The following DNHD1 variants were observed in gnomAD, a reference collection of about 807,000 sequenced individuals.
DNHD1 encodes dynein heavy chain domain-containing protein 1.
Under a neutral mutation model 458.1 loss-of-function variants are expected in DNHD1, and 383 were observed. The observed-to-expected ratio is 0.84, with a 90% CI of 0.77 to 0.91. DNHD1 has a LOEUF of 0.91. Among genes scored for constraint, DNHD1 ranks in the 40% least tolerant of loss-of-function variants. The pLI is 0.00. For synonymous variants in DNHD1, 2,203 were observed against 2,376.9 expected (o/e 0.93, Z 2.13); for missense variants, 5,336 against 5,866.1 (o/e 0.91, Z 2.95).
Position 6,571,115 on chromosome 11 carries a change from T to C in DNHD1, c.13603T>C (p.Leu4535=). 6.3e-7 allele frequency: 1 copy of C among 1,599,970 alleles called. No homozygotes were observed. Among genetic ancestry groups the C allele is most frequent in the Non-Finnish European group, 8.5e-7 (1 of 1,174,898 alleles). The change falls in exon 42 of 43, where the codon TTG becomes CTG. Residue 4535 remains leucine, a synonymous_variant. Transcript: ENST00000254579. The surrounding 1 kb of genome is among the most constrained non-coding windows in gnomAD (Gnocchi z 5.0). ...CGCTCTCTGGACTGGCCGCCTACCC[T>C]TGCCTTGGCGACCTCATGCGCCGGC... ...AHALWTGRLP[L]PWRPHAPAGP...
chr11:6,507,939 T>A (rs1332088554), intron 4 of DNHD1, among the ~76,000 whole-genome samples: 1 of 152,222 alleles, frequency 6.6e-6, no homozygotes, highest in Non-Finnish European at 1.5e-5. Context: ...TATCTAAAAG[T>A]TCTTAAGTCA....
Position 6,571,415 on chromosome 11 carries a change from C to A in DNHD1, c.13903C>A (p.His4635Asn). 1.3e-6 allele frequency: 2 copies of A among 1,597,432 alleles called. No individual in the cohort carries two copies. The highest frequency in any genetic ancestry group is 8.6e-7 in the Non-Finnish European group (1 of 1,168,562). ...TCTGGAGATGAACAGCAACCCTCTG[C>A]ACTTCAGGGTATCTTCGCGCCGCCC... The part of the protein sequence containing the change: ...KRLEMNSNPL[H>N]FRVENGPNPT... Residue 4635 changes from histidine (H) to asparagine (N), a missense_variant, in exon 42 of 43, where the codon CAC becomes AAC. Around this residue, in one of 4 missense-constraint regions of DNHD1, gnomAD observed 698 missense variants for 664.9 expected, o/e 1.05. Transcript: ENST00000254579. This position sits in a 1 kb window ranked among gnomAD's most constrained non-coding sequence, Gnocchi z 5.0.
At chr11:6,500,318 T>C (rs762935444) in intron 3 of DNHD1, among the ~76,000 whole-genome samples, 1 of 152,256 alleles carries the variant, frequency 6.6e-6, no homozygotes, top group Non-Finnish European at 1.5e-5. Flanking sequence ...CCTCATTTTC[T>C]AGACAATGCT....
chr11:6,519,468 A>G, intron 7 of DNHD1, 132 bp from the exon 8 acceptor site: 11 of 995,444 alleles, frequency 1.1e-5, no homozygotes, highest in Non-Finnish European at 1.5e-5. Context: ...AACTCTACTA[A>G]AAAGGAGCCC....
intron 7 of DNHD1, among the ~76,000 whole-genome samples, chr11:6,518,970 A>T (rs760273488): frequency 7.2e-5 from 11 of 152,194 alleles, no homozygotes; most frequent in Non-Finnish European, 1.3e-4. Flanking sequence ...CTGGCCAAGC[A>T]TAGCTTTCTG....
rs1287607003 is a variant in DNHD1, at chr11:6,546,148, C to T, written c.5209C>T (p.Leu1737=). 1 of 1,551,220 alleles carries T rather than the reference C, an allele frequency of 6.4e-7. No individual in the cohort carries two copies. Among genetic ancestry groups the T allele is most frequent in the African/African-American group, 1.4e-5 (1 of 73,172 alleles). Residue 1737 remains leucine, a synonymous_variant, in exon 21 of 43, where the codon CTG becomes TTG. Transcript: ENST00000254579. ...TGCCCTGCAGGGTGGTGCCTGGCTG[C>T]TGTTGGAGAAAGTTCATCAGCTGCC... ...NGALQGGAWL[L]LEKVHQLPPG...
At chr11:6,517,717 G>A (rs11040907) in intron 7 of DNHD1, among the ~76,000 whole-genome samples, 2 of 122,390 alleles carry the variant, frequency 1.6e-5, no homozygotes, top group Non-Finnish European at 3.2e-5. Context: ...TGAGACTGGA[G>A]ACCTCATGAT....
rs780680473 is a variant in DNHD1 at position 6,533,104 on chromosome 11, A to C, written c.2425A>C (p.Met809Leu). ...GTGCTGGAACCTCAGTCAACAACTC[A>C]TGACAGAGCTCACAGATTTCATGCA... Reference protein sequence around the residue: ...NECWNLSQQLMTELTDFMHIF... With the variant: ...NECWNLSQQLLTELTDFMHIF... Residue 809 changes from methionine to leucine, a missense_variant, in exon 13 of 43, where the codon ATG (methionine) becomes CTG (leucine). Physicochemically the swap from Met to Leu is conservative, Grantham distance 15. Around this residue, in one of 4 missense-constraint regions of DNHD1, gnomAD observed 3,932 missense variants for 4,365.6 expected, o/e 0.90. Transcript: ENST00000254579. 26 of 1,551,528 alleles carry C rather than the reference A, an allele frequency of 1.7e-5. 1 individual carries two copies. In the South Asian group the frequency reaches 3.1e-4, roughly 18 times the overall value.
chr11:6,534,303 G>A (rs1852893843), intron 14 of DNHD1, 130 bp downstream of exon 14: 5 of 948,092 alleles, frequency 5.3e-6, no homozygotes, highest in Admixed American at 3.0e-5. Context: ...ACCTTCACTG[G>A]TGTCTTTTAT....
intron 10 of DNHD1, among the ~76,000 whole-genome samples, chr11:6,522,660 G>C: frequency 6.6e-6 from 1 of 152,136 alleles, no homozygotes; most frequent in Non-Finnish European, 1.5e-5. Context: ...AGGTAAATAA[G>C]TAGCAGTTAA....
At position 6,564,375 on chromosome 11, in the gene DNHD1, C is replaced by T. The variant is rs1333283553; in HGVS notation, c.10327C>T (p.Leu3443=). ...RCMTVFGDTL[L]CSAAIIYLGP... is the part of the protein sequence containing the mutation. ...CATGACTGTGTTTGGAGATACCCTC[C>T]TATGTTCAGCTGCCATCATCTACCT... is the stretch of plus-strand genomic sequence containing the variant. The change falls in exon 32 of 43, where the codon CTA becomes TTA. Residue 3443 remains leucine, a synonymous_variant. Transcript: ENST00000254579. 10 of 1,550,538 alleles carry T rather than the reference C, an allele frequency of 6.4e-6. No individual in the cohort carries two copies. The highest frequency in any genetic ancestry group is 2.7e-5 in the African/African-American group (2 of 73,016).
chr11:6,558,744 A>G lies in DNHD1; in HGVS notation c.9211+51A>G, dbSNP rs74549586. ...CACTCATCTCTACCAGGCTCTAATGAGGGTTATTACCTAGGTCAGTCTCTC... is the reference window on the plus strand; with the variant it reads ...CACTCATCTCTACCAGGCTCTAATGGGGGTTATTACCTAGGTCAGTCTCTC... On this transcript the variant is annotated intron_variant, in intron 26 of 42. Coordinates refer to ENST00000254579, the MANE Select transcript of DNHD1 (RefSeq NM_144666.3). 2,400 of 1,536,978 alleles carry G rather than the reference A, an allele frequency of 1.6e-3. 37 individuals are homozygous for G. The African/African-American group carries it at 0.028, about 18-fold the overall frequency.
chr11:6,541,102 G>A (rs1421982588), intron 18 of DNHD1, among the ~76,000 whole-genome samples: 1 of 152,232 alleles, frequency 6.6e-6, no homozygotes, highest in Admixed American at 6.5e-5. Context: ...TGGGCACTGT[G>A]TGGAGAGAGG....
In DNHD1 at chr11:6,557,316, T is replaced by G; in HGVS notation, c.8021T>G (p.Val2674Gly). Residue 2674 changes from valine (V) to glycine (G), a missense_variant, in exon 25 of 43, where the codon GTA becomes GGA. Transcript: ENST00000254579. Reference sequence around the variant, plus strand: ...TCCTACTGTGCCAAGCTGCTCCTAGTAGTAGCTCAAAGTGTCTTCTGCTGT... The same window carrying G: ...TCCTACTGTGCCAAGCTGCTCCTAGGAGTAGCTCAAAGTGTCTTCTGCTGT... ...ERSYCAKLLL[V>G]VAQSVFCCGP... The G allele has an allele frequency of 6.4e-7, 1 of 1,551,600 alleles. No individual in the cohort carries two copies. The highest frequency in any genetic ancestry group is 8.7e-7 in the Non-Finnish European group (1 of 1,147,002).
chr11:6,516,495 G>A (rs34563886), intron 7 of DNHD1, among the ~76,000 whole-genome samples: 26,304 of 150,682 alleles, frequency 0.17, 2,426 homozygotes, highest in Middle Eastern at 0.22. Context: ...ATAGGGTTTC[G>A]CCTCATTGGC....
chr11:6,506,589 A>C (rs1852232173), intron 4 of DNHD1, among the ~76,000 whole-genome samples: 1 of 152,112 alleles, frequency 6.6e-6, no homozygotes, highest in African/African-American at 2.4e-5. Flanking sequence ...AATTTATCAA[A>C]ATTTTAATTG....
rs1853023774 is a variant in DNHD1 at position 6,538,751 on chromosome 11, T to C, written c.3266T>C (p.Leu1089Pro). The change falls in exon 16 of 43, where the codon CTG becomes CCG. Residue 1089 changes from leucine to proline, a missense_variant. By Grantham distance (98) the Leu-to-Pro change is moderately conservative (BLOSUM62 -3). This residue lies in a region of DNHD1 where 3,932 missense variants were observed against 4,365.6 expected (regional missense o/e 0.90). Transcript: ENST00000254579. ...GGGGAGTTTCGCAGCTACCTGCCCC[T>C]GCTCACTAAGCTGGGCAGCCTCCAC... ...ILGEFRSYLP[L>P]LTKLGSLHPQ... 1.3e-6 allele frequency: 2 copies of C among 1,546,856 alleles called. No individual in the cohort carries two copies. Among genetic ancestry groups the C allele is most frequent in the East Asian group, 4.9e-5 (2 of 40,780 alleles).
Position 6,498,683 on chromosome 11 carries a change from C to G in DNHD1, c.468C>G (p.Leu156=), listed in dbSNP as rs771471845. The G allele has an allele frequency of 7.4e-6, 12 of 1,614,230 alleles. No homozygotes were observed. The highest frequency in any genetic ancestry group is 1.6e-4 in the Middle Eastern group (1 of 6,062). ...HADCCPQKRR[L]HHRPPCPACP... The stretch of plus-strand genomic sequence containing the variant: ...ACTGCTGTCCCCAGAAGCGGAGGCT[C>G]CATCACAGGCCCCCATGCCCAGCTT... Residue 156 remains leucine (L), a synonymous_variant, in exon 3 of 43, where the codon CTC becomes CTG. Transcript: ENST00000254579.
intron 24 of DNHD1, among the ~76,000 whole-genome samples, chr11:6,549,371 A>G (rs530108969): frequency 8.5e-5 from 13 of 152,278 alleles, no homozygotes; most frequent in South Asian, 6.2e-4. Flanking sequence ...ATGTCTTTTC[A>G]ATCCTACCTC....
Sources: allele counts gnomAD v4.1 joint callset (sites outside exome capture counted in the v4.1 genomes callset), GRCh38; gene constraint gnomAD v4.1.1; regional missense constraint gnomAD v4.1.1; non-coding constraint Gnocchi (gnomAD v3.1); transcripts MANE v1.5; gene names NCBI Gene and HGNC (gene_info 2026-07-23, HGNC 2026-07-21).